PTPRG: variants seen among roughly 807,000 people sequenced by gnomAD.
PTPRG encodes receptor-type tyrosine-protein phosphatase gamma.
Under a neutral mutation model 165.3 loss-of-function variants are expected in PTPRG, and 102 were observed. That is an observed-to-expected ratio of 0.62 (90% CI 0.53 to 0.73). The LOEUF is 0.73. Ranked by LOEUF, PTPRG falls within the 30% of genes least tolerant of loss-of-function variation. The probability of loss-of-function intolerance (pLI) is 0.00; values close to 1 mark genes in which losing one functional copy is unlikely to be tolerated. For synonymous variants in PTPRG, 675 were observed against 669.5 expected (o/e 1.01, Z -0.13); for missense variants, 1,866 against 1,861.4 (o/e 1.00, Z -0.05).
chr3:61,577,534 C>G (rs142743821), intron 1 of PTPRG, among the ~76,000 whole-genome samples: 135 of 152,278 alleles, frequency 8.9e-4, no homozygotes, highest in African/African-American at 3.2e-3. Flanking sequence ...CTCATTAAAA[C>G]TTTTCATTGA....
chr3:61,696,340 A>G (rs1433783666), intron 1 of PTPRG, among the ~76,000 whole-genome samples: 2 of 152,124 alleles, frequency 1.3e-5, no homozygotes, highest in Non-Finnish European at 2.9e-5. Context: ...TGTCTCTACT[A>G]AAAATACAAA....
intron 4 of PTPRG, among the ~76,000 whole-genome samples, chr3:62,010,618 C>A (rs1000053882): frequency 6.6e-6 from 1 of 151,620 alleles, no homozygotes; most frequent in Non-Finnish European, 1.5e-5. Flanking sequence ...GAGTTCAAGG[C>A]CAGCCTGGGC....
intron 2 of PTPRG, among the ~76,000 whole-genome samples, chr3:61,920,663 G>A (rs1234329724): frequency 6.6e-6 from 1 of 152,136 alleles, no homozygotes; most frequent in East Asian, 1.9e-4. Flanking sequence ...CAAAGTGCTG[G>A]GATTACAGGC....
intron 1 of PTPRG, among the ~76,000 whole-genome samples, chr3:61,707,619 A>G (rs748255730): frequency 9.2e-5 from 14 of 152,172 alleles, no homozygotes; most frequent in Non-Finnish European, 1.5e-4. Flanking sequence ...AGGGAGGGCA[A>G]TGTGCTTTTT....
At chr3:61,965,943 G>A (rs1202589008) in intron 2 of PTPRG, among the ~76,000 whole-genome samples, 1 of 152,220 alleles carries the variant, frequency 6.6e-6, no homozygotes, top group African/African-American at 2.4e-5. Flanking sequence ...CATCTAGTCA[G>A]ATCTGACCCG....
At chr3:61,840,779 T>G (rs1427693405) in intron 2 of PTPRG, among the ~76,000 whole-genome samples, 2 of 116,620 alleles carry the variant, frequency 1.7e-5, no homozygotes, top group East Asian at 3.4e-4. Context: ...TTTTTGTTTG[T>G]TTGTTTTTTT....
At chr3:62,078,047 TA>T in intron 4 of PTPRG, 115 bp from the exon 5 acceptor site, 1 of 616,096 alleles carries the variant, frequency 1.6e-6, no homozygotes, top group Non-Finnish European at 2.8e-6. Flanking sequence ...AACAGGTGAA[TA>T]AATTTGGCAA....
chr3:62,184,862 C>CGT (rs1705810500), intron 8 of PTPRG, among the ~76,000 whole-genome samples: 3 of 152,134 alleles, frequency 2.0e-5, no homozygotes. Context: ...CAATATTTGG[C>CGT]CAGTTGCGTC....
intron 5 of PTPRG, among the ~76,000 whole-genome samples, chr3:62,121,126 TG>T (rs751220755): frequency 5.5e-4 from 78 of 141,958 alleles, no homozygotes; most frequent in African/African-American, 1.6e-3. Context: ...TTTTTTTTTT[TG>T]TATTTTTAGT....
chr3:62,275,297 C>A (rs1384643800), intron 23 of PTPRG, among the ~76,000 whole-genome samples: 2 of 152,060 alleles, frequency 1.3e-5, no homozygotes, highest in African/African-American at 4.8e-5. Context: ...AGCTCGTAAT[C>A]AATAGCATTA....
At chr3:62,115,166 T>C (rs1911746) in intron 5 of PTPRG, among the ~76,000 whole-genome samples, 113,325 of 152,016 alleles carry the variant, frequency 0.75, 42,529 homozygotes, top group Middle Eastern at 0.82. Context: ...GATCCATACC[T>C]GAGTGACCTG....
chr3:61,638,591 G>GTTTTTTTTTTTTTTTTT (rs34396141), intron 1 of PTPRG, among the ~76,000 whole-genome samples: 2 of 58,716 alleles, frequency 3.4e-5, no homozygotes, highest in African/African-American at 1.3e-4. Flanking sequence ...TGCCTGGCTA[G>GTTTTTTTTTTTTTTTTT]TTTTTTTTTT....
intron 1 of PTPRG, among the ~76,000 whole-genome samples, chr3:61,691,378 G>A (rs948476390): frequency 3.9e-5 from 6 of 152,162 alleles, no homozygotes; most frequent in African/African-American, 1.4e-4. Context: ...CTGCACTCCA[G>A]CCTGGGAGAC....
At chr3:62,098,211 A>G (rs1313230446) in intron 5 of PTPRG, among the ~76,000 whole-genome samples, 1 of 152,176 alleles carries the variant, frequency 6.6e-6, no homozygotes, top group Non-Finnish European at 1.5e-5. Flanking sequence ...CTTGGGTTCT[A>G]GATTTATAAA....
At chr3:61,685,827 C>T (rs983197678) in intron 1 of PTPRG, among the ~76,000 whole-genome samples, 1 of 152,172 alleles carries the variant, frequency 6.6e-6, no homozygotes, top group Admixed American at 6.5e-5. Context: ...TTAGTCTCTG[C>T]CCCTAGAGTG....
intron 8 of PTPRG, among the ~76,000 whole-genome samples, chr3:62,179,685 G>A (rs886463095): frequency 7.9e-5 from 12 of 152,198 alleles, no homozygotes; most frequent in African/African-American, 2.9e-4. Flanking sequence ...CCCACTCTCG[G>A]GCAGTGCCTG....
Position 62,294,455 on chromosome 3 carries a change from T to G in PTPRG, c.*1148T>G, listed in dbSNP as rs1441096711. 2 of 152,110 alleles carry G rather than the reference T, an allele frequency of 1.3e-5. No individual in the cohort carries two copies. The highest frequency in any genetic ancestry group is 2.9e-5 in the Non-Finnish European group (2 of 68,004). 9.4% of individuals were successfully genotyped at this position (152,110 alleles called of 1,614,324 possible). ...ATAAATCTGATTTGGAGAGAGAAAT[T>G]TAAAATATTTAATTAAAGGTGATAC... On this transcript the variant is annotated 3_prime_UTR_variant, in exon 30 of 30. Coordinates refer to ENST00000474889, the MANE Select transcript of PTPRG (RefSeq NM_002841.4).
At chr3:61,993,243 G>T (rs914433242) in intron 3 of PTPRG, among the ~76,000 whole-genome samples, 1 of 151,286 alleles carries the variant, frequency 6.6e-6, no homozygotes, top group African/African-American at 2.4e-5. Flanking sequence ...TTGAGATGGA[G>T]TTTTGATCTT....
At chr3:61,669,692 C>T (rs1488478353) in intron 1 of PTPRG, among the ~76,000 whole-genome samples, 8 of 152,156 alleles carry the variant, frequency 5.3e-5, no homozygotes, top group African/African-American at 1.9e-4. Context: ...TCTTAACGTT[C>T]TGTAGGATAC....
Sources: allele counts gnomAD v4.1 joint callset (sites outside exome capture counted in the v4.1 genomes callset), GRCh38; gene constraint gnomAD v4.1.1; transcripts MANE v1.5; gene names NCBI Gene and HGNC (gene_info 2026-07-23, HGNC 2026-07-21).